Variants in FBXL7 observed in about 807,000 individuals in gnomAD.
The protein encoded by FBXL7 is F-box and leucine rich repeat protein 7.
In FBXL7, 12 loss-of-function variants were observed where a neutral mutation model predicts 38.3. The observed-to-expected ratio is 0.31, with a 90% confidence interval of 0.20 to 0.51. The LOEUF is 0.51. FBXL7 is among the 20% of genes least tolerant of loss of function. The pLI, the probability that FBXL7 is intolerant of heterozygous loss-of-function variation, is 0.98. For synonymous variants in FBXL7, 297 were observed against 300.9 expected, an observed-to-expected ratio of 0.99 and a Z score of 0.13; for missense variants, 567 against 676.4, an observed-to-expected ratio of 0.84 and a Z score of 1.79.
chr5:15,550,776 G>A (rs895775316), intron 1 of FBXL7, among the ~76,000 whole-genome samples: 9 of 152,150 alleles, frequency 5.9e-5, no homozygotes, highest in East Asian at 3.9e-4. Context: ...TGCTCATTCC[G>A]GGACTGCCCA....
chr5:15,865,020 T>C (rs1359793038), intron 2 of FBXL7, among the ~76,000 whole-genome samples: 13 of 152,188 alleles, frequency 8.5e-5, no homozygotes, highest in African/African-American at 2.4e-5. Context: ...TTGGCTCTGA[T>C]TTCTGGCAGT....
At chr5:15,500,785 G>A (rs1195534763) in intron 1 of FBXL7, 72 bp downstream of exon 1, 2 of 1,558,636 alleles carry the variant, frequency 1.3e-6, no homozygotes, top group Admixed American at 1.8e-5. Context: ...TCCCGACTGG[G>A]AAGGGAGGTT....
At chr5:15,631,103 G>T (rs1740982170) in intron 2 of FBXL7, among the ~76,000 whole-genome samples, 1 of 152,076 alleles carries the variant, frequency 6.6e-6, no homozygotes, top group South Asian at 2.1e-4. Flanking sequence ...TTCCTTAAAT[G>T]AATTCAACAC....
rs59746196 is a variant in FBXL7, at chr5:15,926,939, T to G, written c.128-951T>G. On this transcript the variant is annotated intron_variant, in intron 2 of 3. Coordinates refer to ENST00000504595, the MANE Select transcript of FBXL7 (RefSeq NM_012304.5). ...TCCTGTCTTCTGAAACTCACTCCCC[T>G]CATTTGTAAATGCAACATAATCACC... is the stretch of plus-strand genomic sequence containing the variant. 2.2e-4 allele frequency among the ~76,000 whole-genome samples: 34 copies of G among 151,882 alleles called. No individual in the cohort carries two copies. In the East Asian group the frequency reaches 5.6e-3, roughly 25 times the overall value.
At chr5:15,581,308 C>T (rs753920145) in intron 1 of FBXL7, among the ~76,000 whole-genome samples, 11 of 152,172 alleles carry the variant, frequency 7.2e-5, no homozygotes, top group Non-Finnish European at 1.2e-4. Flanking sequence ...CTTGAAAATG[C>T]ATGAAAGACT....
At chr5:15,884,276 T>TTTCTTC in intron 2 of FBXL7, among the ~76,000 whole-genome samples, 6 of 112,208 alleles carry the variant, frequency 5.3e-5, no homozygotes, top group African/African-American at 2.0e-4. Context: ...TTCTTTCTTC[T>TTTCTTC]TTTTTTTTGA....
intron 1 of FBXL7, among the ~76,000 whole-genome samples, chr5:15,587,986 T>G (rs1739349984): frequency 6.6e-6 from 1 of 152,174 alleles, no homozygotes; most frequent in African/African-American, 2.4e-5. Context: ...CTCTCTGAAT[T>G]CTGGGATCCT....
At chr5:15,673,517 A>T (rs1473112895) in intron 2 of FBXL7, among the ~76,000 whole-genome samples, 1 of 152,108 alleles carries the variant, frequency 6.6e-6, no homozygotes, top group Admixed American at 6.5e-5. Flanking sequence ...GAACACAGAG[A>T]CACATTTTTA....
intron 2 of FBXL7, among the ~76,000 whole-genome samples, chr5:15,892,592 A>G (rs1740947990): frequency 6.6e-6 from 1 of 152,178 alleles, no homozygotes; most frequent in Non-Finnish European, 1.5e-5. Flanking sequence ...CTTACTTATT[A>G]CATCTGAAAA....
chr5:15,826,314 G>T (rs1738307043), intron 2 of FBXL7, among the ~76,000 whole-genome samples: 1 of 152,204 alleles, frequency 6.6e-6, no homozygotes, highest in Non-Finnish European at 1.5e-5. Flanking sequence ...AACTCTCAGA[G>T]AAAGTATTTA....
rs115459260 is a variant in FBXL7 at position 15,820,042 on chromosome 5, G to T, written c.128-107848G>T. Among the ~76,000 whole-genome samples, 1,199 of 152,298 alleles carry T rather than the reference G, an allele frequency of 7.9e-3. 13 individuals carry two copies. Among genetic ancestry groups the T allele is most frequent in the African/African-American group, 0.027 (1,137 of 41,546 alleles). Reference sequence around the variant, plus strand: ...AAACTGACCAGCTCTGTTATTCAGAGTCTAGGGAAAAGAAATATGAGGATT... The same window carrying T: ...AAACTGACCAGCTCTGTTATTCAGATTCTAGGGAAAAGAAATATGAGGATT... On this transcript the variant is annotated intron_variant, in intron 2 of 3. Coordinates refer to ENST00000504595, the MANE Select transcript of FBXL7 (RefSeq NM_012304.5).
intron 2 of FBXL7, among the ~76,000 whole-genome samples, chr5:15,843,398 C>A (rs777228477): frequency 1.3e-5 from 2 of 152,130 alleles, no homozygotes; most frequent in Non-Finnish European, 2.9e-5. Context: ...TAGATTTCAC[C>A]TCTGTTTTTC....
At chr5:15,655,281 A>G (rs1322742592) in intron 2 of FBXL7, among the ~76,000 whole-genome samples, 1 of 152,114 alleles carries the variant, frequency 6.6e-6, no homozygotes, top group African/African-American at 2.4e-5. Flanking sequence ...GAATCACTTG[A>G]GGTCAGGAGT....
intron 2 of FBXL7, 29 bp from the exon 3 acceptor site, chr5:15,927,861 A>T: frequency 6.7e-7 from 1 of 1,500,912 alleles, no homozygotes; most frequent in Non-Finnish European, 8.9e-7. Flanking sequence ...GGCCATCATG[A>T]TTAACCTTTG....
intron 2 of FBXL7, among the ~76,000 whole-genome samples, chr5:15,715,259 GA>G (rs1744008689): frequency 1.3e-5 from 2 of 152,070 alleles, no homozygotes; most frequent in South Asian, 2.1e-4. Flanking sequence ...TTGGGAGGCC[GA>G]GGCAGGCGGA....
At chr5:15,738,054 G>A (rs1444256846) in intron 2 of FBXL7, among the ~76,000 whole-genome samples, 2 of 152,148 alleles carry the variant, frequency 1.3e-5, no homozygotes, top group East Asian at 1.9e-4. Flanking sequence ...CAGGACTGGT[G>A]CCAATGAAAT....
chr5:15,503,345 T>C (rs111736795), intron 1 of FBXL7, among the ~76,000 whole-genome samples: 1,812 of 152,254 alleles, frequency 0.012, 39 homozygotes, highest in African/African-American at 0.042. Flanking sequence ...CGCTTGAACC[T>C]GGGAGGCGGA....
chr5:15,814,032 A>T (rs1427621705), intron 2 of FBXL7, among the ~76,000 whole-genome samples: 1 of 152,210 alleles, frequency 6.6e-6, no homozygotes, highest in Non-Finnish European at 1.5e-5. Context: ...TTCCTTAAGG[A>T]TCTAGAACCA....
At chr5:15,623,800 C>G (rs1316652533) in intron 2 of FBXL7, among the ~76,000 whole-genome samples, 1 of 152,132 alleles carries the variant, frequency 6.6e-6, no homozygotes, top group African/African-American at 2.4e-5. Context: ...AGCATTATTG[C>G]ATTGAGCATT....
Sources: allele counts gnomAD v4.1 joint callset (sites outside exome capture counted in the v4.1 genomes callset), GRCh38; gene constraint gnomAD v4.1.1; transcripts MANE v1.5; gene names NCBI Gene and HGNC (gene_info 2026-07-23, HGNC 2026-07-21).